Variants in GTF2A1 observed in about 807,000 individuals in gnomAD.
GTF2A1 encodes the protein general transcription factor IIA subunit 1.
GTF2A1 carries 12 observed loss-of-function variants against 54.1 expected under a neutral mutation model. The observed-to-expected ratio is 0.22, with a 90% CI of 0.14 to 0.36. The LOEUF (loss-of-function observed/expected upper bound fraction) is 0.36. Ranked by LOEUF, GTF2A1 falls within the 10% of genes least tolerant of loss-of-function variation. The pLI is 1.00. For missense variants in GTF2A1, 335 were observed against 442.2 expected, an observed-to-expected ratio of 0.76 and a Z score of 2.17; for synonymous variants, 145 against 152.0, an observed-to-expected ratio of 0.95 and a Z score of 0.34.
At chr14:81,185,345 G>A (rs949976256) in intron 8 of GTF2A1, among the ~76,000 whole-genome samples, 186 bp downstream of exon 8, 12 of 152,048 alleles carry the variant, frequency 7.9e-5, no homozygotes, top group African/African-American at 9.7e-5. Flanking sequence ...CAAACATAAA[G>A]CTAAGAAATT....
At chr14:81,191,804 G>A (rs546449880) in intron 7 of GTF2A1, among the ~76,000 whole-genome samples, 11 of 152,008 alleles carry the variant, frequency 7.2e-5, no homozygotes, top group Non-Finnish European at 1.3e-4. Context: ...ATTCATTTGT[G>A]TCTATTCAAT....
intron 6 of GTF2A1, among the ~76,000 whole-genome samples, chr14:81,193,623 C>T (rs1021349978): frequency 6.6e-6 from 1 of 152,128 alleles, no homozygotes; most frequent in African/African-American, 2.4e-5. Context: ...GATACCTTGG[C>T]CATACCCCTA....
intron 8 of GTF2A1, among the ~76,000 whole-genome samples, chr14:81,184,895 G>A (rs1397843331): frequency 1.3e-5 from 2 of 152,026 alleles, no homozygotes; most frequent in Admixed American, 1.3e-4. Flanking sequence ...TAAATGTCTT[G>A]AAAACAAAAA....
intron 2 of GTF2A1, among the ~76,000 whole-genome samples, chr14:81,210,859 G>A (rs887292493): frequency 6.6e-6 from 1 of 151,964 alleles, no homozygotes; most frequent in East Asian, 1.9e-4. Context: ...CCAAGACACC[G>A]CACCCAGCCA....
intron 7 of GTF2A1, among the ~76,000 whole-genome samples, chr14:81,187,196 T>G (rs534077023): frequency 6.6e-6 from 1 of 151,280 alleles, no homozygotes; most frequent in South Asian, 2.1e-4. Flanking sequence ...CTACTAAAAA[T>G]ACAAAAAAAT....
intron 1 of GTF2A1, among the ~76,000 whole-genome samples, chr14:81,218,299 C>T (rs2140045814): frequency 6.6e-6 from 1 of 152,236 alleles, no homozygotes; most frequent in South Asian, 2.1e-4. Context: ...TCTTCTAGTA[C>T]TCTCAACTTA....
intron 2 of GTF2A1, among the ~76,000 whole-genome samples, chr14:81,214,893 G>A (rs570066833): frequency 5.9e-5 from 9 of 152,262 alleles, no homozygotes; most frequent in African/African-American, 1.9e-4. Context: ...ATCTGACCCT[G>A]TTTTTGCTTT....
chr14:81,184,387 G>A (rs1892698271), intron 8 of GTF2A1, among the ~76,000 whole-genome samples: 1 of 152,076 alleles, frequency 6.6e-6, no homozygotes, highest in African/African-American at 2.4e-5. Context: ...GTATCTAACA[G>A]GAAATTACAT....
At chr14:81,203,407 A>T (rs1335322275) in intron 3 of GTF2A1, among the ~76,000 whole-genome samples, 1 of 152,224 alleles carries the variant, frequency 6.6e-6, no homozygotes, top group Non-Finnish European at 1.5e-5. Context: ...CTGAATTTTC[A>T]GATTGCCAAA....
rs749909161 is a variant in GTF2A1, at chr14:81,204,036, T to C, written c.201A>G (p.Leu67=). The stretch of plus-strand genomic sequence containing the variant: ...GTTGATGCTGCTGTTGAACTTGCAG[T>C]AGAAGCTGCTGCTCTTCTGAATGAA... The part of the protein sequence containing the change: ...DGFHSEEQQL[L]LQVQQQHQPQ... The change falls in exon 3 of 9, where the codon CTA becomes CTG. Residue 67 remains leucine (L), a synonymous_variant. Coordinates refer to ENST00000553612, the MANE Select transcript of GTF2A1 (RefSeq NM_015859.4). The C allele has an allele frequency of 3.7e-6, 6 of 1,612,922 alleles. No homozygotes were observed. The South Asian group carries it at 6.6e-5, about 18-fold the overall frequency.
At chr14:81,196,039 A>AAACT in intron 6 of GTF2A1, 69 bp downstream of exon 6, 2 of 1,425,004 alleles carry the variant, frequency 1.4e-6, no homozygotes, top group Non-Finnish European at 2.0e-6. Flanking sequence ...AAGGAGAGGG[A>AAACT]AACTACCCAG....
chr14:81,215,743 G>A (rs1395631061), intron 2 of GTF2A1, among the ~76,000 whole-genome samples: 1 of 152,042 alleles, frequency 6.6e-6, no homozygotes, highest in Non-Finnish European at 1.5e-5. Flanking sequence ...ATTAAAAAAA[G>A]ATAAGATTAA....
At chr14:81,195,608 G>T (rs1380793776) in intron 6 of GTF2A1, among the ~76,000 whole-genome samples, 1 of 146,824 alleles carries the variant, frequency 6.8e-6, no homozygotes. Context: ...CTCCAGCCTG[G>T]GTGAAAGAGC....
chr14:81,210,281 A>G (rs1372035749), intron 2 of GTF2A1, among the ~76,000 whole-genome samples: 1 of 152,230 alleles, frequency 6.6e-6, no homozygotes, highest in Non-Finnish European at 1.5e-5. Context: ...CAATTACCAA[A>G]AAGTTCAAAT....
chr14:81,207,126 T>C (rs183271026), intron 2 of GTF2A1, among the ~76,000 whole-genome samples: 86 of 141,538 alleles, frequency 6.1e-4, no homozygotes, highest in Admixed American at 4.2e-3. Context: ...TATCTATCTA[T>C]CTACCTACCT....
At position 81,179,296 on chromosome 14, in the gene GTF2A1, G is replaced by C. The variant is rs1220110242; in HGVS notation, c.*927C>G. 4.6e-5 allele frequency: 7 copies of C among 152,158 alleles called. No homozygotes were observed. Among genetic ancestry groups the C allele is most frequent in the Non-Finnish European group, 1.5e-5 (1 of 68,024 alleles). The allele number at this position is 152,158 out of a possible 1,614,324, so 9.4% of individuals were successfully genotyped here. A position where few individuals can be genotyped will look rare whatever the true frequency, so the allele number is the denominator to read the frequency against. On this transcript the variant is annotated 3_prime_UTR_variant, in exon 9 of 9. Transcript: ENST00000553612. The stretch of plus-strand genomic sequence containing the variant: ...GCACAGACTGTTAACTGAATGTTTA[G>C]CTTAAAAACTAAACACATTTATAAG...
At chr14:81,192,963 C>G in intron 6 of GTF2A1, 124 bp from the exon 7 acceptor site, 2 of 638,546 alleles carry the variant, frequency 3.1e-6, no homozygotes, top group East Asian at 5.2e-5. Flanking sequence ...TAAAAACTAC[C>G]AAAGTACAAA....
intron 2 of GTF2A1, among the ~76,000 whole-genome samples, chr14:81,213,161 C>T (rs1566861455): frequency 6.6e-6 from 1 of 152,134 alleles, no homozygotes. Context: ...TTACTGAATG[C>T]CAACCACATA....
At chr14:81,208,724 T>C (rs1007324999) in intron 2 of GTF2A1, among the ~76,000 whole-genome samples, 14 of 152,292 alleles carry the variant, frequency 9.2e-5, no homozygotes, top group African/African-American at 3.4e-4. Flanking sequence ...CCCAAGACCG[T>C]GGGAACCCAC....
Sources: gnomAD v4.1 joint callset for allele counts (sites outside exome capture counted in the v4.1 genomes callset) on GRCh38, gnomAD v4.1.1 for gene constraint, MANE v1.5 for transcripts, NCBI Gene and HGNC (gene_info 2026-07-23, HGNC 2026-07-21) for gene names.